The following ADGRL3 variants were observed in gnomAD, a reference collection of about 807,000 sequenced individuals.
The protein encoded by ADGRL3 is adhesion G protein-coupled receptor L3.
A neutral mutation model predicts 153.5 loss-of-function variants in ADGRL3; 62 were observed. The observed-to-expected ratio is 0.40, with a 90% confidence interval of 0.33 to 0.50. The LOEUF is 0.50. ADGRL3 is among the 20% of genes least tolerant of loss of function. ADGRL3 has a pLI of 0.47. For synonymous variants in ADGRL3, 710 were observed against 672.5 expected, an observed-to-expected ratio of 1.06 and a Z score of -0.86; for missense variants, 1,641 against 1,859.4, an observed-to-expected ratio of 0.88 and a Z score of 2.16.
At chr4:61,995,648 A>T (rs2099119145) in intron 19 of ADGRL3, among the ~76,000 whole-genome samples, 1 of 152,170 alleles carries the variant, frequency 6.6e-6, no homozygotes, top group African/African-American at 2.4e-5. Flanking sequence ...GAGGTTTTAA[A>T]AATTGGGGGA....
chr4:61,813,686 C>T (rs2097656312), intron 8 of ADGRL3, 123 bp from the exon 9 acceptor site: 1 of 1,101,372 alleles, frequency 9.1e-7, no homozygotes, highest in Non-Finnish European at 1.3e-6. Flanking sequence ...GCAGATATGT[C>T]TACTCTTTAA....
At chr4:61,537,054 A>AT (rs1228654994) in intron 4 of ADGRL3, among the ~76,000 whole-genome samples, 4 of 151,708 alleles carry the variant, frequency 2.6e-5, no homozygotes, top group Non-Finnish European at 2.9e-5. Flanking sequence ...TCCTTTGAGT[A>AT]TTTTTTTGTA....
At chr4:61,520,972 T>C (rs920893312) in intron 4 of ADGRL3, among the ~76,000 whole-genome samples, 2 of 152,124 alleles carry the variant, frequency 1.3e-5, no homozygotes, top group Non-Finnish European at 2.9e-5. Flanking sequence ...TCTCGCCTCT[T>C]AGTTCAGATT....
intron 3 of ADGRL3, among the ~76,000 whole-genome samples, chr4:61,516,826 A>G (rs2098498552): frequency 6.6e-6 from 1 of 152,124 alleles, no homozygotes; most frequent in Non-Finnish European, 1.5e-5. Flanking sequence ...ATCAAACAAA[A>G]CAAATAAACA....
At chr4:61,527,023 AAAGT>A (rs2098567299) in intron 4 of ADGRL3, among the ~76,000 whole-genome samples, 1 of 152,136 alleles carries the variant, frequency 6.6e-6, no homozygotes, top group African/African-American at 2.4e-5. Flanking sequence ...GAAATATGAA[AAAGT>A]AAGTTAACAT....
chr4:62,002,292 T>C (rs944895659), intron 21 of ADGRL3, among the ~76,000 whole-genome samples: 10 of 149,186 alleles, frequency 6.7e-5, no homozygotes, highest in African/African-American at 2.2e-4. Context: ...CCTCATTTTA[T>C]GCATTTTGGC....
At chr4:61,561,882 G>A (rs1000051428) in intron 4 of ADGRL3, among the ~76,000 whole-genome samples, 6 of 151,788 alleles carry the variant, frequency 4.0e-5, no homozygotes, top group African/African-American at 1.5e-4. Flanking sequence ...TTAAGCAATC[G>A]TACCACCTCA....
chr4:61,652,179 T>C (rs1169345714), intron 5 of ADGRL3, among the ~76,000 whole-genome samples: 1 of 152,176 alleles, frequency 6.6e-6, no homozygotes, highest in African/African-American at 2.4e-5. Flanking sequence ...ATAGTGTAGA[T>C]AACTTCATCA....
chr4:61,268,385 C>T (rs2092974362), intron 1 of ADGRL3, among the ~76,000 whole-genome samples: 1 of 151,576 alleles, frequency 6.6e-6, no homozygotes, highest in African/African-American at 2.4e-5. Flanking sequence ...AAATTTATCT[C>T]AAGAGGAATA....
chr4:61,717,207 TGTGTGTGTGTGTGC>T (rs1457719621), intron 6 of ADGRL3, among the ~76,000 whole-genome samples: 27 of 104,242 alleles, frequency 2.6e-4, no homozygotes, highest in African/African-American at 7.7e-4. Flanking sequence ...TGTGTGTGTG[TGTGTGTGTGTGTGC>T]GTGTGTGTGT....
chr4:61,822,950 C>T (rs1042372570), intron 9 of ADGRL3, among the ~76,000 whole-genome samples: 2 of 152,180 alleles, frequency 1.3e-5, no homozygotes, highest in Non-Finnish European at 2.9e-5. Flanking sequence ...ATGATGCTCA[C>T]GTTGAATACA....
intron 1 of ADGRL3, among the ~76,000 whole-genome samples, chr4:61,241,902 T>C (rs542716085): frequency 3.9e-5 from 6 of 152,250 alleles, no homozygotes; most frequent in African/African-American, 1.4e-4. Flanking sequence ...AGAATAGATC[T>C]GATAATGCAA....
chr4:61,264,162 T>C (rs2092709650), intron 1 of ADGRL3, among the ~76,000 whole-genome samples: 1 of 152,040 alleles, frequency 6.6e-6, no homozygotes, highest in Non-Finnish European at 1.5e-5. Context: ...CTATAGATAA[T>C]TGTTGACGGT....
intron 11 of ADGRL3, among the ~76,000 whole-genome samples, chr4:61,902,100 G>A (rs1373270786): frequency 1.3e-5 from 2 of 152,160 alleles, no homozygotes; most frequent in African/African-American, 4.8e-5. Flanking sequence ...AGTGAGAGAA[G>A]TAAACAGGGG....
intron 1 of ADGRL3, among the ~76,000 whole-genome samples, chr4:61,337,176 A>G (rs1055900981): frequency 1.3e-5 from 2 of 152,040 alleles, no homozygotes; most frequent in Non-Finnish European, 2.9e-5. Flanking sequence ...AGTCCTGTAG[A>G]ATTCTTAGCT....
chr4:61,839,109 G>A (rs1263907083), intron 9 of ADGRL3, among the ~76,000 whole-genome samples: 1 of 152,144 alleles, frequency 6.6e-6, no homozygotes, highest in Non-Finnish European at 1.5e-5. Flanking sequence ...TGCAACTTAT[G>A]TGGTAGTTTT....
chr4:61,447,201 AT>A (rs1404850971), intron 2 of ADGRL3, among the ~76,000 whole-genome samples: 3 of 151,976 alleles, frequency 2.0e-5, no homozygotes, highest in Admixed American at 1.3e-4. Flanking sequence ...TGACTCTTGC[AT>A]TTTTTACATC....
intron 2 of ADGRL3, among the ~76,000 whole-genome samples, chr4:61,438,653 A>C (rs1474001833): frequency 6.6e-6 from 1 of 151,686 alleles, no homozygotes. Flanking sequence ...TATTAGTTGA[A>C]TGAATGGATG....
At chr4:61,608,769 A>G (rs1231616426) in intron 5 of ADGRL3, among the ~76,000 whole-genome samples, 1 of 152,214 alleles carries the variant, frequency 6.6e-6, no homozygotes, top group African/African-American at 2.4e-5. Flanking sequence ...TTAATTGACA[A>G]TAGTCTAAAT....
Sources: gnomAD v4.1 joint callset for allele counts (sites outside exome capture counted in the v4.1 genomes callset) on GRCh38, gnomAD v4.1.1 for gene constraint, MANE v1.5 for transcripts, NCBI Gene and HGNC (gene_info 2026-07-23, HGNC 2026-07-21) for gene names.